The following GPN2 variants were observed in gnomAD, a reference collection of about 807,000 sequenced individuals.
GPN2 encodes ATP-binding domain 1 family member B.
A neutral mutation model predicts 30.1 loss-of-function variants in GPN2; 27 were observed. The observed-to-expected ratio is 0.90, with a 90% CI of 0.66 to 1.24. The LOEUF (loss-of-function observed/expected upper bound fraction) is 1.24. Among genes scored for constraint, GPN2 ranks in the 50% most tolerant of loss-of-function variants. The pLI, the probability that GPN2 is intolerant of heterozygous loss-of-function variation, is 0.00. For missense variants in GPN2, 406 were observed against 405.4 expected, an observed-to-expected ratio of 1.00 and a Z score of -0.01; for synonymous variants, 212 against 174.4, an observed-to-expected ratio of 1.22 and a Z score of -1.70.
chr1:26,888,843 G>C, intron 2 of GPN2, 126 bp downstream of exon 2: 1 of 867,990 alleles, frequency 1.2e-6, no homozygotes, highest in East Asian at 2.4e-5. Flanking sequence ...GCAGGAGTTA[G>C]AACCTGCCTG....
intron 4 of GPN2, among the ~76,000 whole-genome samples, chr1:26,882,577 A>G (rs1285462693): frequency 1.3e-5 from 2 of 152,078 alleles, no homozygotes; most frequent in East Asian, 3.8e-4. Flanking sequence ...TGTTGGCTGG[A>G]ATTATTTTCC....
Position 26,876,703 on chromosome 1 carries a change from T to A in GPN2, c.*2974A>T, listed in dbSNP as rs2081839342. On this transcript the variant is annotated 3_prime_UTR_variant, in exon 5 of 5. Transcript: ENST00000374135. ...TCCTTTCTGCACTGTGCAGATCCCC[T>A]CAGTATATGCAGAGAACAGAAAATC... 1 of 151,978 alleles carries A rather than the reference T, an allele frequency of 6.6e-6. No individual in the cohort carries two copies. The highest frequency in any genetic ancestry group is 1.5e-5 in the Non-Finnish European group (1 of 68,040). 9.4% of individuals were successfully genotyped at this position (151,978 alleles called of 1,614,324 possible).
Position 26,885,985 on chromosome 1 carries a change from A to G in GPN2, c.717T>C (p.Pro239=), listed in dbSNP as rs1231173102. 2.5e-6 allele frequency: 4 copies of G among 1,612,134 alleles called. No homozygotes were observed. In the South Asian group the frequency reaches 4.4e-5, roughly 18 times the overall value. The change falls in exon 3 of 5, where the codon CCT becomes CCC. Residue 239 remains proline (P), a synonymous_variant. Transcript: ENST00000374135. Reference sequence around the variant, plus strand: ...TAGCCCCTAGTACCTGGATGTTGAGAGGGATAAAGGAGACAAGGCTATAGT... The same window carrying G: ...TAGCCCCTAGTACCTGGATGTTGAGGGGGATAAAGGAGACAAGGCTATAGT... ...IEDYSLVSFI[P]LNIQDKESIQ...
intron 3 of GPN2, among the ~76,000 whole-genome samples, chr1:26,884,535 T>C (rs955362021): frequency 2.0e-5 from 3 of 152,182 alleles, no homozygotes; most frequent in Non-Finnish European, 2.9e-5. Context: ...CTATTGTACA[T>C]GGTATCCCTG....
In GPN2 at chr1:26,878,087, AAGCCATCAGTCCT is replaced by A. The variant is rs1315525924; in HGVS notation, c.*1577_*1589del. The A allele has an allele frequency of 6.6e-6, 1 of 152,172 alleles. No individual in the cohort carries two copies. The highest frequency in any genetic ancestry group is 1.5e-5 in the Non-Finnish European group (1 of 68,040). 9.4% of individuals were successfully genotyped at this position (152,172 alleles called of 1,614,324 possible). A position where few individuals can be genotyped will look rare whatever the true frequency, so the allele number is the denominator to read the frequency against. On this transcript the variant is annotated 3_prime_UTR_variant, in exon 5 of 5. Transcript: ENST00000374135. ...AAAACTTGGCATAACAGTCTTGCCC[AAGCCATCAGTCCT>A]GCCCCTTCTGCCACCAGGTTACAAC... is the stretch of plus-strand genomic sequence containing the variant.
rs1043523258 is a variant in GPN2 at position 26,876,984 on chromosome 1, C to T, written c.*2693G>A. On this transcript the variant is annotated 3_prime_UTR_variant, in exon 5 of 5. Coordinates refer to ENST00000374135, the MANE Select transcript of GPN2 (RefSeq NM_018066.4). ...CAAGCATCAAAACCCACGACCACAGCCGTTGGTACTGCTTTCAAAAGCATA... is the reference window on the plus strand; with the variant it reads ...CAAGCATCAAAACCCACGACCACAGTCGTTGGTACTGCTTTCAAAAGCATA... The T allele has an allele frequency of 6.6e-6, 1 of 152,038 alleles. No homozygotes were observed. Among genetic ancestry groups the T allele is most frequent in the Non-Finnish European group, 1.5e-5 (1 of 68,030 alleles). The allele number at this position is 152,038 out of a possible 1,614,324, so 9.4% of individuals were successfully genotyped here. A position where few individuals can be genotyped will look rare whatever the true frequency, so the allele number is the denominator to read the frequency against.
intron 4 of GPN2, among the ~76,000 whole-genome samples, chr1:26,881,376 T>C (rs1288244904): frequency 6.6e-6 from 1 of 152,244 alleles, no homozygotes; most frequent in Non-Finnish European, 1.5e-5. Context: ...GAATATCTCA[T>C]GTAATTTATT....
intron 2 of GPN2, among the ~76,000 whole-genome samples, chr1:26,887,109 G>A (rs1309391614): frequency 6.6e-6 from 1 of 151,896 alleles, no homozygotes; most frequent in African/African-American, 2.4e-5. Context: ...TCAGGACCTG[G>A]CACATACACT....
At position 26,879,620 on chromosome 1, in the gene GPN2, C is replaced by G. The variant is rs755546938; in HGVS notation, c.*57G>C. ...TTGGGTCTGCAGCCTGCATCAGGAGCCTCCACTTTCCCCAGTGCTGGATTA... is the reference window on the plus strand; with the variant it reads ...TTGGGTCTGCAGCCTGCATCAGGAGGCTCCACTTTCCCCAGTGCTGGATTA... On this transcript the variant is annotated 3_prime_UTR_variant, in exon 5 of 5. Coordinates refer to ENST00000374135, the MANE Select transcript of GPN2 (RefSeq NM_018066.4). The G allele has an allele frequency of 7.7e-5, 100 of 1,296,678 alleles. No individual in the cohort carries two copies. Among genetic ancestry groups the G allele is most frequent in the Non-Finnish European group, 1.1e-4 (98 of 898,236 alleles). 80.3% of individuals were successfully genotyped at this position (1,296,678 alleles called of 1,614,324 possible).
Position 26,889,034 on chromosome 1 carries a change from T to G in GPN2, c.503A>C (p.His168Pro). ...GAGGTTGATGTGGGGCAGTTCCACG[T>G]GCAGCATGGTGGCCAGGGAGGTACA... ...VLCTSLATML[H>P]VELPHINLLS... The change falls in exon 2 of 5, where the codon CAC becomes CCC. Residue 168 changes from histidine (H) to proline (P), a missense_variant. Transcript: ENST00000374135. 6.2e-7 allele frequency: 1 copy of G among 1,614,180 alleles called. No homozygotes were observed. Among genetic ancestry groups the G allele is most frequent in the Non-Finnish European group, 8.5e-7 (1 of 1,179,970 alleles).
intron 3 of GPN2, 54 bp downstream of exon 3, chr1:26,885,919 T>A: frequency 7.2e-7 from 1 of 1,390,926 alleles, no homozygotes; most frequent in Non-Finnish European, 1.0e-6. Flanking sequence ...TTCCTGTGCT[T>A]TTGGCTTGGT....
intron 4 of GPN2, among the ~76,000 whole-genome samples, chr1:26,881,606 G>A (rs1570690766): frequency 6.6e-6 from 1 of 152,234 alleles, no homozygotes; most frequent in South Asian, 2.1e-4. Flanking sequence ...AGTGGCACAC[G>A]CCCATAGTCC....
In GPN2 at chr1:26,879,392, C is replaced by T. The variant is rs908580884; in HGVS notation, c.*285G>A. 5.0e-6 allele frequency: 2 copies of T among 400,302 alleles called. No homozygotes were observed. Among genetic ancestry groups the T allele is most frequent in the African/African-American group, 2.0e-5 (1 of 50,586 alleles). The allele number at this position is 400,302 out of a possible 1,614,324, so 24.8% of individuals were successfully genotyped here. On this transcript the variant is annotated 3_prime_UTR_variant, in exon 5 of 5. Coordinates refer to ENST00000374135, the MANE Select transcript of GPN2 (RefSeq NM_018066.4). The stretch of plus-strand genomic sequence containing the variant: ...GAAGTCACAAAAAGTAGAAAATAAA[C>T]TCTTGTATTGTAGCACATTTCATCA...
At chr1:26,883,785 T>C (rs1034047814) in intron 4 of GPN2, among the ~76,000 whole-genome samples, 2 of 146,088 alleles carry the variant, frequency 1.4e-5, no homozygotes, top group Non-Finnish European at 3.0e-5. Flanking sequence ...AAACTCCCTT[T>C]CAAAAAAAAA....
chr1:26,884,404 C>A (rs1557655777), intron 3 of GPN2, 114 bp from the exon 4 acceptor site: 10 of 1,053,496 alleles, frequency 9.5e-6, no homozygotes, highest in Non-Finnish European at 1.1e-5. Flanking sequence ...GCTTTCTTGG[C>A]CTGGAGTAGT....
intron 1 of GPN2, 117 bp downstream of exon 1, chr1:26,889,569 G>T: frequency 1.0e-6 from 1 of 973,530 alleles, no homozygotes; most frequent in Non-Finnish European, 1.6e-6. Context: ...ACTCATGCCT[G>T]TTTTACTCCA....
In GPN2 at chr1:26,877,601, C is replaced by G. The variant is rs2081843385; in HGVS notation, c.*2076G>C. ...TGGGTTATGAGAAAGCCAGGCTGAC[C>G]AAAGTTCAAACTTCTCATCTTTCTG... On this transcript the variant is annotated 3_prime_UTR_variant, in exon 5 of 5. Transcript: ENST00000374135. 1.3e-5 allele frequency: 2 copies of G among 152,212 alleles called. No individual in the cohort carries two copies. Among genetic ancestry groups the G allele is most frequent in the Admixed American group, 1.3e-4 (2 of 15,276 alleles). 9.4% of individuals were successfully genotyped at this position (152,212 alleles called of 1,614,324 possible). A position where few individuals can be genotyped will look rare whatever the true frequency, so the allele number is the denominator to read the frequency against.
chr1:26,879,625 A>G lies in GPN2; in HGVS notation c.*52T>C. 7.3e-7 allele frequency: 1 copy of G among 1,375,374 alleles called. No individual in the cohort carries two copies. The highest frequency in any genetic ancestry group is 1.4e-5 in the African/African-American group (1 of 70,126). The allele number at this position is 1,375,374 out of a possible 1,614,324, so 85.2% of individuals were successfully genotyped here. A position where few individuals can be genotyped will look rare whatever the true frequency, so the allele number is the denominator to read the frequency against. ...TCTGCAGCCTGCATCAGGAGCCTCC[A>G]CTTTCCCCAGTGCTGGATTATGCAT... On this transcript the variant is annotated 3_prime_UTR_variant, in exon 5 of 5. Transcript: ENST00000374135.
rs2081914281 is a variant in GPN2, at chr1:26,890,147, T to C, written c.-51A>G. On this transcript the variant is annotated 5_prime_UTR_variant, in exon 1 of 5. Transcript: ENST00000374135. ...CAACTCACAGGGAAAACGGGGCAGG[T>C]AGCCGCGCCGGAGACGAGACTGAGG... The C allele has an allele frequency of 1.4e-6, 2 of 1,431,920 alleles. No individual in the cohort carries two copies. The highest frequency in any genetic ancestry group is 2.1e-4 in the Middle Eastern group (1 of 4,808). 88.7% of individuals were successfully genotyped at this position (1,431,920 alleles called of 1,614,324 possible). A position where few individuals can be genotyped will look rare whatever the true frequency, so the allele number is the denominator to read the frequency against.
Sources: gnomAD v4.1 joint callset for allele counts (sites outside exome capture counted in the v4.1 genomes callset) on GRCh38, gnomAD v4.1.1 for gene constraint, MANE v1.5 for transcripts, NCBI Gene and HGNC (gene_info 2026-07-23, HGNC 2026-07-21) for gene names.